COL11A1: variants seen among roughly 807,000 people sequenced by gnomAD.
The protein encoded by COL11A1 is collagen alpha-1(XI) chain.
COL11A1 carries 74 observed loss-of-function variants against 265.2 expected under a neutral mutation model. The ratio of observed to expected loss-of-function variants is 0.28; its 90% CI spans 0.23 to 0.34. The LOEUF is 0.34. COL11A1 is among the 10% of genes least tolerant of loss of function. COL11A1 has a pLI of 1.00. For synonymous variants in COL11A1, 816 were observed against 727.6 expected (o/e 1.12, Z -1.96); for missense variants, 2,165 against 2,263.6 (o/e 0.96, Z 0.88).
At position 103,015,744 on chromosome 1, in the gene COL11A1, T is replaced by C; in HGVS notation, c.1414-2A>G. On this transcript the variant is annotated splice_acceptor_variant, in intron 11 of 66. Transcript: ENST00000370096. LOFTEE classifies it high-confidence loss of function. ...TAAGCCAGGACGTCCTGGGGGGCCCTAGAAAAATAAATGAAATAACCAAAA... is the reference window on the plus strand; with the variant it reads ...TAAGCCAGGACGTCCTGGGGGGCCCCAGAAAAATAAATGAAATAACCAAAA... 6.3e-7 allele frequency: 1 copy of C among 1,591,408 alleles called. No homozygotes were observed. Among genetic ancestry groups the C allele is most frequent in the South Asian group, 1.1e-5 (1 of 88,530 alleles).
chr1:103,028,270 G>A lies in COL11A1; in HGVS notation c.781-1938C>T, dbSNP rs143290215. Among the ~76,000 whole-genome samples the A allele has an allele frequency of 3.5e-4, 53 of 152,146 alleles. 1 individual carries two copies. The East Asian group carries it at 9.1e-3, about 26-fold the overall frequency. ...GCTGCTCTTGAACTCCTGACCTCAG[G>A]TGATCCGCCCGCTTCGGCCTCCCAA... On this transcript the variant is annotated intron_variant, in intron 5 of 66. Coordinates refer to ENST00000370096, the MANE Select transcript of COL11A1 (RefSeq NM_001854.4).
At chr1:103,047,216 A>G (rs182492925) in intron 4 of COL11A1, among the ~76,000 whole-genome samples, 188 of 152,188 alleles carry the variant, frequency 1.2e-3, no homozygotes, top group Non-Finnish European at 2.0e-3. Flanking sequence ...CAATTTCACG[A>G]TATTGATTTT....
At chr1:103,095,280 A>C (rs1330151980) in intron 1 of COL11A1, among the ~76,000 whole-genome samples, 1 of 152,074 alleles carries the variant, frequency 6.6e-6, no homozygotes. Flanking sequence ...CTAATTTTAC[A>C]TTTTACATAG....
chr1:103,002,518 A>G (rs1468757843), intron 22 of COL11A1, 37 bp from the exon 23 acceptor site: 1 of 1,516,536 alleles, frequency 6.6e-7, no homozygotes, highest in Non-Finnish European at 9.1e-7. Flanking sequence ...TTAATGGGCT[A>G]TATTACACAA....
At chr1:103,003,498 T>C (rs1665323812) in intron 20 of COL11A1, among the ~76,000 whole-genome samples, 1 of 152,192 alleles carries the variant, frequency 6.6e-6, no homozygotes, top group Non-Finnish European at 1.5e-5. Flanking sequence ...TTTGATTCTA[T>C]AATATTACAT....
At chr1:103,076,845 G>A (rs1672010395) in intron 3 of COL11A1, among the ~76,000 whole-genome samples, 1 of 152,130 alleles carries the variant, frequency 6.6e-6, no homozygotes, top group Non-Finnish European at 1.5e-5. Flanking sequence ...TCTACAGACT[G>A]CCAGCCAAGC....
intron 35 of COL11A1, among the ~76,000 whole-genome samples, chr1:102,976,289 CTTT>C (rs149842131): frequency 6.8e-5 from 4 of 58,596 alleles, no homozygotes; most frequent in South Asian, 1.0e-3. Context: ...AAAACGTTGG[CTTT>C]TTTTTTTTTT....
At chr1:103,000,759 CAA>C (rs1040593467) in intron 24 of COL11A1, among the ~76,000 whole-genome samples, 1 of 151,734 alleles carries the variant, frequency 6.6e-6, no homozygotes, top group African/African-American at 2.4e-5. Context: ...AAGTATATAC[CAA>C]AAAGAATGAA....
At chr1:103,004,317 T>G (rs1381657665) in intron 20 of COL11A1, 127 bp downstream of exon 20, 1 of 694,232 alleles carries the variant, frequency 1.4e-6, no homozygotes, top group Non-Finnish European at 2.5e-6. Flanking sequence ...CGCATGGCAA[T>G]TATCTGGTTA....
intron 1 of COL11A1, among the ~76,000 whole-genome samples, chr1:103,094,481 G>T (rs932056378): frequency 6.6e-6 from 1 of 152,012 alleles, no homozygotes; most frequent in African/African-American, 2.4e-5. Flanking sequence ...CAAAAAGTCA[G>T]ACACCAATTA....
At chr1:103,026,634 A>C (rs1346152599) in intron 5 of COL11A1, among the ~76,000 whole-genome samples, 1 of 152,202 alleles carries the variant, frequency 6.6e-6, no homozygotes, top group African/African-American at 2.4e-5. Context: ...CACAGTAATT[A>C]TGTACTTGGA....
chr1:102,998,268 A>T (rs1664811411), intron 25 of COL11A1, 42 bp downstream of exon 25: 1 of 1,503,616 alleles, frequency 6.7e-7, no homozygotes, highest in Non-Finnish European at 9.2e-7. Context: ...ATTTTTAAAG[A>T]TAATGTAAAG....
At chr1:103,044,020 T>A (rs898499206) in intron 4 of COL11A1, among the ~76,000 whole-genome samples, 5 of 152,102 alleles carry the variant, frequency 3.3e-5, no homozygotes, top group Non-Finnish European at 7.4e-5. Context: ...GGCAGAGTTT[T>A]TGATTGCATA....
chr1:103,019,439 T>C (rs1455536819), intron 9 of COL11A1, among the ~76,000 whole-genome samples: 2 of 152,148 alleles, frequency 1.3e-5, no homozygotes, highest in Non-Finnish European at 2.9e-5. Context: ...AAAGCTATAA[T>C]GTCATTTAAA....
At chr1:103,050,706 T>C (rs1669742963) in intron 4 of COL11A1, among the ~76,000 whole-genome samples, 1 of 152,174 alleles carries the variant, frequency 6.6e-6, no homozygotes, top group African/African-American at 2.4e-5. Flanking sequence ...GTTTTTCTGC[T>C]CTGTTTTTTC....
intron 41 of COL11A1, among the ~76,000 whole-genome samples, chr1:102,950,722 C>CT (rs1484218370): frequency 3.3e-5 from 5 of 151,966 alleles, no homozygotes; most frequent in Admixed American, 1.3e-4. Flanking sequence ...ATTCCAGCCT[C>CT]TTTTTTTTGA....
chr1:102,967,243 T>TTTTTA (rs1557882366), intron 37 of COL11A1, among the ~76,000 whole-genome samples: 1 of 107,688 alleles, frequency 9.3e-6, no homozygotes, highest in Non-Finnish European at 1.9e-5. Flanking sequence ...TTTTTTTTTT[T>TTTTTA]TTTTTTTTTT....
intron 3 of COL11A1, among the ~76,000 whole-genome samples, chr1:103,077,085 T>C (rs1381964023): frequency 1.3e-5 from 2 of 152,048 alleles, no homozygotes; most frequent in Non-Finnish European, 2.9e-5. Flanking sequence ...AATATACAAA[T>C]GAAAAAAATT....
At chr1:103,001,098 T>C (rs1665057575) in intron 24 of COL11A1, 1 of 397,032 alleles carries the variant, frequency 2.5e-6, no homozygotes, top group South Asian at 1.3e-4. Context: ...GAAAGCAAAT[T>C]AATTGTTAGC....
Sources: gnomAD v4.1 joint callset for allele counts (sites outside exome capture counted in the v4.1 genomes callset) on GRCh38, gnomAD v4.1.1 for gene constraint, MANE v1.5 for transcripts, NCBI Gene and HGNC (gene_info 2026-07-23, HGNC 2026-07-21) for gene names.